Variants in TMEM244 observed in about 807,000 individuals in gnomAD.
TMEM244 encodes transmembrane protein 244, also known as putative transmembrane protein 244.
Under a neutral mutation model 15.8 loss-of-function variants are expected in TMEM244, and 13 were observed. The ratio of observed to expected loss-of-function variants is 0.82; its 90% CI spans 0.53 to 1.30. The LOEUF (loss-of-function observed/expected upper bound fraction) is 1.30, where lower values mean the gene tolerates loss of function less well. Among genes scored for constraint, TMEM244 ranks in the 50% most tolerant of loss-of-function variants. The pLI is 0.00. For missense variants in TMEM244, 161 were observed against 144.9 expected (o/e 1.11, Z -0.57); for synonymous variants, 45 against 48.7 (o/e 0.92, Z 0.32).
At chr6:129,849,517 A>T (rs1562200019) in intron 1 of TMEM244, among the ~76,000 whole-genome samples, 2 of 152,030 alleles carry the variant, frequency 1.3e-5, no homozygotes, top group South Asian at 2.1e-4. Context: ...GCAGGGTGGC[A>T]ATGCAAGGTA....
chr6:129,850,912 C>T (rs1303651410), intron 1 of TMEM244, among the ~76,000 whole-genome samples: 2 of 152,152 alleles, frequency 1.3e-5, no homozygotes, highest in Non-Finnish European at 2.9e-5. Context: ...CACCTCTGCC[C>T]GTCCTCCAGC....
At chr6:129,831,844 C>A (rs1162117259) in intron 4 of TMEM244, among the ~76,000 whole-genome samples, 1 of 152,190 alleles carries the variant, frequency 6.6e-6, no homozygotes, top group African/African-American at 2.4e-5. Context: ...CAGCTATACT[C>A]CAAGCCCTTT....
At chr6:129,855,100 C>A (rs1189759322) in intron 1 of TMEM244, among the ~76,000 whole-genome samples, 1 of 152,158 alleles carries the variant, frequency 6.6e-6, no homozygotes. Flanking sequence ...AGTATTTCCC[C>A]TCAGGCAGGA....
intron 2 of TMEM244, 46 bp downstream of exon 2, chr6:129,845,721 T>C (rs777616692): frequency 7.4e-7 from 1 of 1,346,050 alleles, no homozygotes; most frequent in Non-Finnish European, 1.1e-6. Context: ...TCTTTCCTAT[T>C]CAATGTTAGC....
intron 1 of TMEM244, among the ~76,000 whole-genome samples, chr6:129,850,602 A>G (rs991189113): frequency 4.6e-5 from 7 of 152,248 alleles, no homozygotes; most frequent in Non-Finnish European, 8.8e-5. Context: ...AGTGCTGTCC[A>G]GCAGAAACAC....
chr6:129,835,529 C>T (rs769779746), intron 3 of TMEM244, among the ~76,000 whole-genome samples: 4 of 152,046 alleles, frequency 2.6e-5, no homozygotes, highest in Non-Finnish European at 5.9e-5. Flanking sequence ...ATTAAGGTAC[C>T]TGGTTCATCT....
At chr6:129,841,536 T>C (rs1776491283) in intron 3 of TMEM244, among the ~76,000 whole-genome samples, 1 of 152,088 alleles carries the variant, frequency 6.6e-6, no homozygotes, top group Non-Finnish European at 1.5e-5. Context: ...AACCTGCACA[T>C]TGTGCCCATG....
intron 1 of TMEM244, among the ~76,000 whole-genome samples, chr6:129,857,306 A>G (rs1442081610): frequency 7.4e-6 from 1 of 135,502 alleles, no homozygotes; most frequent in African/African-American, 2.7e-5. Context: ...TATATATTTT[A>G]TATGTGTGTA....
At chr6:129,843,708 A>T (rs1228504254) in intron 2 of TMEM244, 105 bp from the exon 3 acceptor site, 8 of 768,392 alleles carry the variant, frequency 1.0e-5, no homozygotes, top group Non-Finnish European at 1.7e-5. Flanking sequence ...AAGCTATGCG[A>T]TTCACCCACA....
intron 1 of TMEM244, among the ~76,000 whole-genome samples, chr6:129,849,036 G>C (rs1015663925): frequency 2.6e-5 from 4 of 151,946 alleles, no homozygotes; most frequent in African/African-American, 9.7e-5. Context: ...CATGAGGATT[G>C]TACTACAAAC....
At chr6:129,833,382 G>T in intron 4 of TMEM244, 78 bp downstream of exon 4, 4 of 1,471,402 alleles carry the variant, frequency 2.7e-6, no homozygotes, top group South Asian at 1.4e-5. Context: ...AGACAACAAA[G>T]TTCTACTCAG....
chr6:129,845,958 A>G lies in TMEM244; in HGVS notation c.34-106T>C, dbSNP rs866863429. On this transcript the variant is annotated intron_variant, in intron 1 of 4. Transcript: ENST00000368143. ...GAATGATTACTAGATAGTGTTGGCT[A>G]GCCTTGTATTGCTTAAGGACCCATG... 43 of 740,826 alleles carry G rather than the reference A, an allele frequency of 5.8e-5. 1 individual carries two copies. The Middle Eastern group carries it at 2.1e-3, about 37-fold the overall frequency. 45.9% of individuals were successfully genotyped at this position (740,826 alleles called of 1,614,324 possible).
chr6:129,847,693 C>T (rs2114641443), intron 1 of TMEM244, among the ~76,000 whole-genome samples: 1 of 152,204 alleles, frequency 6.6e-6, no homozygotes, highest in Non-Finnish European at 1.5e-5. Context: ...CCCTGCTCAC[C>T]AAGTCTCATC....
chr6:129,837,876 C>T lies in TMEM244; in HGVS notation c.194-4291G>A, dbSNP rs1776431372. Among the ~76,000 whole-genome samples, 3 of 152,182 alleles carry T rather than the reference C, an allele frequency of 2.0e-5. No individual in the cohort carries two copies. The South Asian group carries it at 6.2e-4, about 32-fold the overall frequency. On this transcript the variant is annotated intron_variant, in intron 3 of 4. Transcript: ENST00000368143. ...CAATTCAACAAGAAGAGCTAACCATCCTAAATATATATGCACACAATATAG... is the reference window on the plus strand; with the variant it reads ...CAATTCAACAAGAAGAGCTAACCATTCTAAATATATATGCACACAATATAG...
At chr6:129,854,666 T>C (rs1776681138) in intron 1 of TMEM244, among the ~76,000 whole-genome samples, 1 of 152,140 alleles carries the variant, frequency 6.6e-6, no homozygotes, top group African/African-American at 2.4e-5. Flanking sequence ...AGAGGTACAA[T>C]TGTATATAAA....
At chr6:129,859,689 A>C (rs1177979715) in intron 1 of TMEM244, among the ~76,000 whole-genome samples, 2 of 152,240 alleles carry the variant, frequency 1.3e-5, no homozygotes, top group African/African-American at 2.4e-5. Flanking sequence ...CAAATTAATT[A>C]AATGGCCTTT....
At chr6:129,859,498 C>T (rs972370062) in intron 1 of TMEM244, among the ~76,000 whole-genome samples, 1 of 152,182 alleles carries the variant, frequency 6.6e-6, no homozygotes, top group African/African-American at 2.4e-5. Context: ...TGAGGATATG[C>T]AGGAATGTGT....
intron 4 of TMEM244, 66 bp from the exon 5 acceptor site, chr6:129,831,452 CG>C: frequency 8.8e-7 from 1 of 1,131,462 alleles, no homozygotes; most frequent in Non-Finnish European, 1.3e-6. Flanking sequence ...AGAAGAAATA[CG>C]TCTGTTTGGT....
chr6:129,854,165 T>A (rs1259806465), intron 1 of TMEM244, among the ~76,000 whole-genome samples: 1 of 152,228 alleles, frequency 6.6e-6, no homozygotes, highest in East Asian at 1.9e-4. Context: ...TTTGGCTCCC[T>A]AATATATGTG....
Sources: gnomAD v4.1 joint callset for allele counts (sites outside exome capture counted in the v4.1 genomes callset) on GRCh38, gnomAD v4.1.1 for gene constraint, MANE v1.5 for transcripts, NCBI Gene and HGNC (gene_info 2026-07-23, HGNC 2026-07-21) for gene names.